LRRIQ1: variants seen among roughly 807,000 people sequenced by gnomAD.
The protein encoded by LRRIQ1 is leucine rich repeats and IQ motif containing 1.
In LRRIQ1, 210 loss-of-function variants were observed where a neutral mutation model predicts 211.9. That is an observed-to-expected ratio of 0.99 (90% confidence interval 0.89 to 1.11). LRRIQ1 has a LOEUF of 1.11. LRRIQ1 is among the 50% of genes most tolerant of loss of function. The pLI is 0.00. For synonymous variants in LRRIQ1, 699 were observed against 650.1 expected, an observed-to-expected ratio of 1.08 and a Z score of -1.14; for missense variants, 2,136 against 1,939.5, an observed-to-expected ratio of 1.10 and a Z score of -1.90.
At position 85,124,531 on chromosome 12, in the gene LRRIQ1, A is replaced by G. The variant is rs1888229536; in HGVS notation, c.4007+12A>G. 6.3e-7 allele frequency: 1 copy of G among 1,577,520 alleles called. No individual in the cohort carries two copies. The highest frequency in any genetic ancestry group is 8.7e-7 in the Non-Finnish European group (1 of 1,153,448). On this transcript the variant is annotated intron_variant, in intron 17 of 26. Transcript: ENST00000393217. ...CCTAGTGAAAAAATGTAAGATATAT[A>G]AATAATGTTTCTTTTATAGATGTAT... is the stretch of plus-strand genomic sequence containing the variant.
intron 24 of LRRIQ1, among the ~76,000 whole-genome samples, chr12:85,170,447 A>G (rs901702749): frequency 6.6e-6 from 1 of 150,494 alleles, no homozygotes; most frequent in African/African-American, 2.4e-5. Context: ...AAAAAATTGT[A>G]TATGCATAGT....
intron 1 of LRRIQ1, among the ~76,000 whole-genome samples, chr12:85,251,517 A>C (rs1199284718): frequency 6.6e-6 from 1 of 151,938 alleles, no homozygotes; most frequent in East Asian, 1.9e-4. Flanking sequence ...TCTCATTCCT[A>C]GTCCTTGTTG....
intron 3 of LRRIQ1, among the ~76,000 whole-genome samples, chr12:85,044,029 T>C (rs1879229631): frequency 6.6e-6 from 1 of 152,186 alleles, no homozygotes; most frequent in Non-Finnish European, 1.5e-5. Context: ...TTTTTCTTTT[T>C]GACCTCTCAC....
chr12:85,270,001 C>T, the LRRIQ1 span, among the ~76,000 whole-genome samples: 1 of 152,028 alleles, frequency 6.6e-6, no homozygotes, highest in Admixed American at 6.5e-5. Flanking sequence ...GATCTTGTAT[C>T]TCTTCATCCC....
intron 15 of LRRIQ1, among the ~76,000 whole-genome samples, chr12:85,107,114 T>C (rs1886836658): frequency 6.6e-6 from 1 of 152,032 alleles, no homozygotes; most frequent in South Asian, 2.1e-4. Flanking sequence ...CCAAGAAAAA[T>C]ATTTTGTAAT....
At chr12:85,202,840 TA>T (rs1893362077) in intron 24 of LRRIQ1, among the ~76,000 whole-genome samples, 1 of 152,244 alleles carries the variant, frequency 6.6e-6, no homozygotes, top group South Asian at 2.1e-4. Context: ...GTTAGCTGGT[TA>T]TTACCAGACT....
At chr12:85,150,353 G>GA (rs1325742258) in intron 19 of LRRIQ1, among the ~76,000 whole-genome samples, 1 of 151,256 alleles carries the variant, frequency 6.6e-6, no homozygotes, top group Non-Finnish European at 1.5e-5. Context: ...TCATTGAAAA[G>GA]AAAAAACAAA....
chr12:85,037,370 T>G (rs1878258959), intron 1 of LRRIQ1, among the ~76,000 whole-genome samples: 1 of 151,976 alleles, frequency 6.6e-6, no homozygotes, highest in Non-Finnish European at 1.5e-5. Flanking sequence ...CATTTTGCTT[T>G]GTAGGCATAA....
the LRRIQ1 span, among the ~76,000 whole-genome samples, chr12:85,269,680 A>T: frequency 6.6e-6 from 1 of 151,950 alleles, no homozygotes; most frequent in Non-Finnish European, 1.5e-5. Context: ...GAGTTCCTTG[A>T]GGCCTTCAGG....
At chr12:85,176,646 G>A (rs1322730479) in intron 24 of LRRIQ1, among the ~76,000 whole-genome samples, 1 of 150,010 alleles carries the variant, frequency 6.7e-6, no homozygotes, top group East Asian at 2.0e-4. Context: ...AATGCTAGAT[G>A]ACGAGTTAGT....
chr12:85,238,704 A>G (rs1028119959), intron 26 of LRRIQ1, among the ~76,000 whole-genome samples: 1 of 152,156 alleles, frequency 6.6e-6, no homozygotes, highest in African/African-American at 2.4e-5. Context: ...GATTTGTGGT[A>G]AAAATTCATA....
At chr12:85,162,601 T>C (rs1890942735) in intron 24 of LRRIQ1, among the ~76,000 whole-genome samples, 4 of 152,210 alleles carry the variant, frequency 2.6e-5, no homozygotes, top group Admixed American at 2.6e-4. Context: ...TAGAATAGTA[T>C]AATATGTATG....
At chr12:85,118,122 A>G (rs1227116587) in intron 15 of LRRIQ1, among the ~76,000 whole-genome samples, 4 of 152,206 alleles carry the variant, frequency 2.6e-5, no homozygotes, top group African/African-American at 9.6e-5. Context: ...TTATCTTAAC[A>G]TAACATTCTG....
At chr12:85,236,263 ACT>A (rs1331498371) in intron 26 of LRRIQ1, among the ~76,000 whole-genome samples, 3 of 152,154 alleles carry the variant, frequency 2.0e-5, no homozygotes, top group African/African-American at 7.2e-5. Context: ...ATATCAGTTG[ACT>A]CTGTTAAATT....
intron 20 of LRRIQ1, among the ~76,000 whole-genome samples, 153 bp downstream of exon 20, chr12:85,152,522 T>G (rs1216996742): frequency 6.6e-6 from 1 of 151,800 alleles, no homozygotes; most frequent in Non-Finnish European, 1.5e-5. Flanking sequence ...GATGTAATTT[T>G]TCATGTAGCT....
At chr12:85,259,197 A>G (rs191837241) in intron 1 of LRRIQ1, among the ~76,000 whole-genome samples, 294 of 152,140 alleles carry the variant, frequency 1.9e-3, no homozygotes, top group Non-Finnish European at 3.1e-3. Context: ...CTATAACAAT[A>G]ATGTTGCAGA....
rs889699318 is a variant in LRRIQ1 at position 85,153,158 on chromosome 12, A to G, written c.4541+13A>G. 3.7e-5 allele frequency: 59 copies of G among 1,577,890 alleles called. No individual in the cohort carries two copies. Among genetic ancestry groups the G allele is most frequent in the Admixed American group, 7.3e-5 (4 of 54,818 alleles). On this transcript the variant is annotated intron_variant, in intron 21 of 26. Transcript: ENST00000393217. ...AATTTAATAGCAGGTAAGCTAAACT[A>G]TTGTTTTAGAGAATCAACTTGTGAA...
At chr12:85,050,811 C>A (rs1371097023) in intron 6 of LRRIQ1, among the ~76,000 whole-genome samples, 2 of 152,190 alleles carry the variant, frequency 1.3e-5, no homozygotes, top group African/African-American at 4.8e-5. Context: ...TCCCATAGCT[C>A]ATATGAGATA....
intron 24 of LRRIQ1, among the ~76,000 whole-genome samples, chr12:85,196,647 C>A (rs1892930040): frequency 4.6e-5 from 7 of 152,138 alleles, no homozygotes; most frequent in Admixed American, 3.9e-4. Flanking sequence ...AAACTGGATC[C>A]CTTCCTTACA....
Sources: gnomAD v4.1 joint callset for allele counts (sites outside exome capture counted in the v4.1 genomes callset) on GRCh38, gnomAD v4.1.1 for gene constraint, MANE v1.5 for transcripts, NCBI Gene and HGNC (gene_info 2026-07-23, HGNC 2026-07-21) for gene names.